The following JAZF1 variants were observed in gnomAD, a reference collection of about 807,000 sequenced individuals.
The protein encoded by JAZF1 is juxtaposed with another zinc finger protein 1.
JAZF1 carries 8 observed loss-of-function variants against 26.4 expected under a neutral mutation model. That is an observed-to-expected ratio of 0.30 (90% confidence interval 0.18 to 0.55). The LOEUF (loss-of-function observed/expected upper bound fraction) is 0.55, where lower values mean the gene tolerates loss of function less well. JAZF1 is among the 20% of genes least tolerant of loss of function. The pLI, the probability that JAZF1 is intolerant of heterozygous loss-of-function variation, is 0.94. For synonymous variants in JAZF1, 126 were observed against 122.3 expected (o/e 1.03, Z -0.20); for missense variants, 199 against 322.0 (o/e 0.62, Z 2.92).
At chr7:28,158,145 G>A (rs980420641) in intron 1 of JAZF1, among the ~76,000 whole-genome samples, 11 of 137,378 alleles carry the variant, frequency 8.0e-5, no homozygotes, top group Admixed American at 2.4e-4. Flanking sequence ...TTGAAAACAC[G>A]CGCGCACACA....
intron 3 of JAZF1, among the ~76,000 whole-genome samples, chr7:27,890,216 A>G (rs1289827763): frequency 6.6e-6 from 1 of 152,222 alleles, no homozygotes; most frequent in Non-Finnish European, 1.5e-5. Context: ...GCATTTGCCA[A>G]TGTCACTGGT....
intron 2 of JAZF1, among the ~76,000 whole-genome samples, chr7:27,918,131 A>T (rs1784473207): frequency 6.6e-6 from 1 of 152,224 alleles, no homozygotes; most frequent in Admixed American, 6.5e-5. Context: ...CACGCAGAGT[A>T]AGCAAAAAAT....
chr7:27,856,837 T>G (rs1783267339), intron 3 of JAZF1, among the ~76,000 whole-genome samples: 1 of 152,232 alleles, frequency 6.6e-6, no homozygotes, highest in Non-Finnish European at 1.5e-5. Flanking sequence ...GAGTGCTGAT[T>G]GGTGCATTCA....
chr7:28,003,175 C>A (rs538957888), intron 1 of JAZF1, among the ~76,000 whole-genome samples: 1 of 152,104 alleles, frequency 6.6e-6, no homozygotes, highest in South Asian at 2.1e-4. Context: ...CTAAAACTCT[C>A]ATCTGAAACA....
At chr7:27,998,695 C>T (rs1032675679) in intron 1 of JAZF1, among the ~76,000 whole-genome samples, 3 of 152,310 alleles carry the variant, frequency 2.0e-5, no homozygotes, top group South Asian at 2.1e-4. Context: ...AAGTCAGGGA[C>T]ACTGTGCAGC....
chr7:27,951,368 G>A (rs925841109), intron 2 of JAZF1, among the ~76,000 whole-genome samples: 1 of 152,130 alleles, frequency 6.6e-6, no homozygotes, highest in East Asian at 1.9e-4. Flanking sequence ...TTAAGAAATT[G>A]TATAGGTCTC....
At chr7:28,003,129 A>G (rs982955274) in intron 1 of JAZF1, among the ~76,000 whole-genome samples, 1 of 152,218 alleles carries the variant, frequency 6.6e-6, no homozygotes, top group African/African-American at 2.4e-5. Context: ...TGACTGAAAT[A>G]CAAAACAACC....
Position 27,895,278 on chromosome 7 carries a change from A to G in JAZF1, c.327T>C (p.Thr109=). The G allele has an allele frequency of 6.2e-7, 1 of 1,607,894 alleles. No homozygotes were observed. The highest frequency in any genetic ancestry group is 8.5e-7 in the Non-Finnish European group (1 of 1,177,142). The change falls in exon 3 of 5, where the codon ACT becomes ACC. Residue 109 remains threonine (T), a synonymous_variant. Coordinates refer to ENST00000283928, the MANE Select transcript of JAZF1 (RefSeq NM_175061.4). The part of the protein sequence containing the change: ...TPPRHSSGSL[T]PPVTPPITPS... ...GGGTGATGGGTGGGGTCACGGGGGG[A>G]GTAAGGCTTCCACTGCTGTGGCGTG... is the stretch of plus-strand genomic sequence containing the variant.
chr7:28,091,289 A>G (rs1308114357), intron 1 of JAZF1, among the ~76,000 whole-genome samples: 1 of 151,998 alleles, frequency 6.6e-6, no homozygotes, highest in Non-Finnish European at 1.5e-5. Flanking sequence ...CTAGAAGTCC[A>G]TATTTTCATG....
chr7:27,948,049 G>A (rs941060960), intron 2 of JAZF1, among the ~76,000 whole-genome samples: 5 of 152,146 alleles, frequency 3.3e-5, no homozygotes, highest in Non-Finnish European at 5.9e-5. Context: ...GGTGGGTGTG[G>A]CCTGCAGATG....
intron 1 of JAZF1, among the ~76,000 whole-genome samples, chr7:28,065,082 C>G (rs17156328): frequency 6.6e-6 from 1 of 152,124 alleles, no homozygotes; most frequent in African/African-American, 2.4e-5. Context: ...CAGATCCTGG[C>G]AGACAATAAC....
intron 1 of JAZF1, among the ~76,000 whole-genome samples, chr7:28,016,535 T>C (rs1242524028): frequency 1.3e-5 from 2 of 152,156 alleles, no homozygotes; most frequent in African/African-American, 4.8e-5. Flanking sequence ...CCAGACCAAA[T>C]GAGTGAGGAT....
At chr7:28,129,068 T>C (rs1024763970) in intron 1 of JAZF1, among the ~76,000 whole-genome samples, 6 of 152,054 alleles carry the variant, frequency 3.9e-5, no homozygotes, top group East Asian at 1.9e-4. Context: ...TGACCCTTCA[T>C]GGCCAGCTGT....
At chr7:28,008,169 C>T (rs1383247129) in intron 1 of JAZF1, among the ~76,000 whole-genome samples, 1 of 152,150 alleles carries the variant, frequency 6.6e-6, no homozygotes, top group African/African-American at 2.4e-5. Flanking sequence ...CACCAACTCC[C>T]TCACAAGCTT....
chr7:27,954,986 G>A (rs1047821200), intron 2 of JAZF1, among the ~76,000 whole-genome samples: 3 of 152,078 alleles, frequency 2.0e-5, no homozygotes, highest in Admixed American at 1.3e-4. Flanking sequence ...TCGTACTCCC[G>A]ACCTCAGGCG....
chr7:27,932,847 C>T lies in JAZF1; in HGVS notation c.189-37431G>A, dbSNP rs146151651. 3.5e-3 allele frequency among the ~76,000 whole-genome samples: 537 copies of T among 152,256 alleles called. 4 individuals are homozygous for T. The highest frequency in any genetic ancestry group is 0.01 in the African/African-American group (419 of 41,548). ...AAAACAATGATTCTTTTCTTCTAGCCTTAAGGCTTACATACTTTTTCATAC... is the reference window on the plus strand; with the variant it reads ...AAAACAATGATTCTTTTCTTCTAGCTTTAAGGCTTACATACTTTTTCATAC... On this transcript the variant is annotated intron_variant, in intron 2 of 4. Coordinates refer to ENST00000283928, the MANE Select transcript of JAZF1 (RefSeq NM_175061.4).
intron 3 of JAZF1, among the ~76,000 whole-genome samples, chr7:27,859,229 T>C (rs1419137285): frequency 6.6e-6 from 1 of 152,194 alleles, no homozygotes; most frequent in Non-Finnish European, 1.5e-5. Context: ...AAACAACAGA[T>C]GCTGGAGAGG....
intron 2 of JAZF1, among the ~76,000 whole-genome samples, chr7:27,974,112 A>G (rs1331703342): frequency 6.6e-6 from 1 of 152,042 alleles, no homozygotes; most frequent in Non-Finnish European, 1.5e-5. Context: ...AAGAGGAGGC[A>G]CTCTGGAGAA....
intron 1 of JAZF1, among the ~76,000 whole-genome samples, chr7:28,085,183 T>G (rs1784195352): frequency 1.3e-5 from 2 of 152,238 alleles, no homozygotes; most frequent in South Asian, 4.1e-4. Context: ...TTGCAAAAAC[T>G]AAGCTTTGCC....
Sources: gnomAD v4.1 joint callset for allele counts (sites outside exome capture counted in the v4.1 genomes callset) on GRCh38, gnomAD v4.1.1 for gene constraint, MANE v1.5 for transcripts, NCBI Gene and HGNC (gene_info 2026-07-23, HGNC 2026-07-21) for gene names.